The following NFIL3 variants were observed in gnomAD, a reference collection of about 807,000 sequenced individuals.
The protein encoded by NFIL3 is nuclear factor, interleukin 3 regulated.
In NFIL3, 5 loss-of-function variants were observed where a neutral mutation model predicts 10.0. The ratio of observed to expected loss-of-function variants is 0.50; its 90% confidence interval spans 0.26 to 1.06. The LOEUF is 1.06. Among genes scored for constraint, NFIL3 ranks in the 50% least tolerant of loss-of-function variants. The pLI is 0.13. For synonymous variants in NFIL3, 202 were observed against 206.5 expected, an observed-to-expected ratio of 0.98 and a Z score of 0.19; for missense variants, 436 against 547.6, an observed-to-expected ratio of 0.80 and a Z score of 2.03.
At chr9:91,457,252 A>G in the NFIL3 span, among the ~76,000 whole-genome samples, 1 of 151,950 alleles carries the variant, frequency 6.6e-6, no homozygotes, top group African/African-American at 2.4e-5. Context: ...TTTTTGTCAA[A>G]AAAAAACTTT....
the NFIL3 span, among the ~76,000 whole-genome samples, chr9:91,482,662 C>T: frequency 3.9e-5 from 6 of 152,012 alleles, no homozygotes; most frequent in East Asian, 3.9e-4. Flanking sequence ...CCAACACGCC[C>T]GACTAATTTT....
At chr9:91,472,464 T>G in the NFIL3 span, among the ~76,000 whole-genome samples, 2 of 152,246 alleles carry the variant, frequency 1.3e-5, no homozygotes, top group African/African-American at 4.8e-5. Context: ...TGATCTGCTA[T>G]CACTGCTACC....
chr9:91,424,250 G>GT (rs1173797011), upstream of NFIL3, among the ~76,000 whole-genome samples: 5 of 152,094 alleles, frequency 3.3e-5, no homozygotes, highest in Non-Finnish European at 5.9e-5. Flanking sequence ...TGCGCTCCCC[G>GT]CGACCCTCAC....
chr9:91,466,200 T>C, the NFIL3 span, among the ~76,000 whole-genome samples: 1 of 152,224 alleles, frequency 6.6e-6, no homozygotes, highest in South Asian at 2.1e-4. Context: ...TGTTAGGACA[T>C]CTCTTAATAT....
chr9:91,472,193 CTTCTCAAG>C, the NFIL3 span, among the ~76,000 whole-genome samples: 2 of 152,120 alleles, frequency 1.3e-5, no homozygotes, highest in Non-Finnish European at 2.9e-5. Flanking sequence ...TGGGGTTGCT[CTTCTCAAG>C]GAGTATCTTT....
At chr9:91,476,557 A>G in the NFIL3 span, among the ~76,000 whole-genome samples, 6 of 151,764 alleles carry the variant, frequency 4.0e-5, no homozygotes, top group African/African-American at 9.7e-5. Flanking sequence ...TGGGTGACAG[A>G]GCAAGAATCC....
chr9:91,469,181 T>C, the NFIL3 span, among the ~76,000 whole-genome samples: 2 of 152,114 alleles, frequency 1.3e-5, no homozygotes, highest in African/African-American at 4.8e-5. Context: ...AATGTTCTAT[T>C]TGTTTGTGTC....
At chr9:91,438,305 T>C in the NFIL3 span, among the ~76,000 whole-genome samples, 2 of 152,232 alleles carry the variant, frequency 1.3e-5, no homozygotes, top group Non-Finnish European at 2.9e-5. Flanking sequence ...GTTTTTCATA[T>C]CTTCTTTGGA....
intron 1 of NFIL3, among the ~76,000 whole-genome samples, chr9:91,420,365 A>T (rs1833738652): frequency 6.6e-6 from 1 of 151,656 alleles, no homozygotes; most frequent in South Asian, 2.1e-4. Flanking sequence ...ACACACACAC[A>T]CACACACACA....
At chr9:91,423,476 T>C (rs1833810745) in intron 1 of NFIL3, among the ~76,000 whole-genome samples, 164 bp downstream of exon 1, 2 of 151,580 alleles carry the variant, frequency 1.3e-5, no homozygotes, top group Admixed American at 1.3e-4. Flanking sequence ...GCAGCAAAAG[T>C]TTATGTAATG....
At chr9:91,417,843 C>T (rs1243852693) in intron 1 of NFIL3, among the ~76,000 whole-genome samples, 1 of 152,136 alleles carries the variant, frequency 6.6e-6, no homozygotes, top group African/African-American at 2.4e-5. Flanking sequence ...CTGCCAGAAT[C>T]TATTCTATCA....
the NFIL3 span, among the ~76,000 whole-genome samples, chr9:91,447,160 T>C: frequency 1.3e-5 from 2 of 152,206 alleles, no homozygotes; most frequent in Non-Finnish European, 2.9e-5. Context: ...TATAAGAACT[T>C]CATTCATTTT....
the NFIL3 span, among the ~76,000 whole-genome samples, chr9:91,464,849 C>T: frequency 6.6e-6 from 1 of 152,086 alleles, no homozygotes. Flanking sequence ...CCAATTCTGG[C>T]TTGCATGGAT....
At chr9:91,465,615 G>A in the NFIL3 span, among the ~76,000 whole-genome samples, 120 of 151,886 alleles carry the variant, frequency 7.9e-4, no homozygotes, top group African/African-American at 1.7e-3. Context: ...AGATTCCAGC[G>A]TTTGCTTTGT....
At chr9:91,443,347 G>T in the NFIL3 span, among the ~76,000 whole-genome samples, 21 of 152,336 alleles carry the variant, frequency 1.4e-4, no homozygotes, top group African/African-American at 4.3e-4. Context: ...GGATTTGAAG[G>T]AGGGGCTTCA....
the NFIL3 span, among the ~76,000 whole-genome samples, chr9:91,479,363 G>C: frequency 6.6e-6 from 1 of 152,350 alleles, no homozygotes; most frequent in Admixed American, 6.5e-5. Flanking sequence ...GGAATCTAGA[G>C]AGGCAGTCTT....
chr9:91,436,679 G>T, the NFIL3 span, among the ~76,000 whole-genome samples: 390 of 152,250 alleles, frequency 2.6e-3, no homozygotes, highest in African/African-American at 9.0e-3. Flanking sequence ...CAGGACCTAC[G>T]TCATATGCCA....
At chr9:91,454,710 T>C in the NFIL3 span, among the ~76,000 whole-genome samples, 1 of 152,096 alleles carries the variant, frequency 6.6e-6, no homozygotes, top group African/African-American at 2.4e-5. Flanking sequence ...CACGTGCCTG[T>C]AATCCCAGCT....
chr9:91,461,053 T>C, the NFIL3 span, among the ~76,000 whole-genome samples: 2 of 152,198 alleles, frequency 1.3e-5, no homozygotes, highest in African/African-American at 2.4e-5. Context: ...GTCTATGCCA[T>C]GTTTGGAGTT....
Sources: allele counts gnomAD v4.1 joint callset (sites outside exome capture counted in the v4.1 genomes callset), GRCh38; gene constraint gnomAD v4.1.1; transcripts MANE v1.5; gene names NCBI Gene and HGNC (gene_info 2026-07-23, HGNC 2026-07-21).